Variants in UST observed in about 807,000 individuals in gnomAD.
UST encodes uronyl 2-sulfotransferase.
In UST, 21 loss-of-function variants were observed where a neutral mutation model predicts 45.6. That is an observed-to-expected ratio of 0.46 (90% CI 0.33 to 0.66). The LOEUF (loss-of-function observed/expected upper bound fraction) is 0.66. Ranked by LOEUF, UST falls within the 30% of genes least tolerant of loss-of-function variation. The pLI is 0.02. For synonymous variants in UST, 215 were observed against 200.6 expected, an observed-to-expected ratio of 1.07 and a Z score of -0.61; for missense variants, 463 against 512.4, an observed-to-expected ratio of 0.90 and a Z score of 0.93.
chr6:148,852,310 A>G (rs1685937565), intron 1 of UST, among the ~76,000 whole-genome samples: 1 of 152,162 alleles, frequency 6.6e-6, no homozygotes, highest in Non-Finnish European at 1.5e-5. Context: ...TATCCGAAAC[A>G]TATGTTGCGT....
At chr6:148,759,747 C>T (rs1776172824) in intron 1 of UST, among the ~76,000 whole-genome samples, 1 of 145,236 alleles carries the variant, frequency 6.9e-6, no homozygotes, top group African/African-American at 2.6e-5. Context: ...ACTCGGGAGG[C>T]TGAGGCAGGA....
At chr6:148,978,628 C>T (rs1004480414) in intron 5 of UST, among the ~76,000 whole-genome samples, 6 of 151,668 alleles carry the variant, frequency 4.0e-5, no homozygotes, top group African/African-American at 1.5e-4. Context: ...ACAATGAGAA[C>T]ACATGGACAC....
intron 1 of UST, among the ~76,000 whole-genome samples, chr6:148,771,017 G>T (rs6904894): frequency 6.6e-6 from 1 of 151,954 alleles, no homozygotes; most frequent in African/African-American, 2.4e-5. Flanking sequence ...AGAACAGAGT[G>T]ATGTCACTGT....
chr6:148,917,098 G>A (rs900044995), intron 2 of UST, among the ~76,000 whole-genome samples: 6 of 152,214 alleles, frequency 3.9e-5, no homozygotes, highest in Admixed American at 1.3e-4. Flanking sequence ...GGCAGGGCTT[G>A]GAGGCTGTGA....
chr6:149,019,071 A>T, intron 5 of UST, 68 bp from the exon 6 acceptor site: 1 of 1,150,886 alleles, frequency 8.7e-7, no homozygotes, highest in Admixed American at 1.7e-5. Context: ...TTTTACTTAA[A>T]CTGTGTGGCA....
chr6:148,778,106 A>T (rs1035903431), intron 1 of UST, among the ~76,000 whole-genome samples: 1 of 152,234 alleles, frequency 6.6e-6, no homozygotes, highest in African/African-American at 2.4e-5. Context: ...TGGTAGTTAC[A>T]TATCAACAAA....
At chr6:148,878,607 G>C (rs981276670) in intron 1 of UST, among the ~76,000 whole-genome samples, 1 of 129,130 alleles carries the variant, frequency 7.7e-6, no homozygotes, top group African/African-American at 3.0e-5. Flanking sequence ...GTGTATTAGT[G>C]TGGGTGTCGT....
intron 1 of UST, among the ~76,000 whole-genome samples, chr6:148,835,409 A>G (rs139336984): frequency 1.9e-3 from 283 of 152,178 alleles, no homozygotes; most frequent in African/African-American, 6.6e-3. Context: ...TCAACAGTCT[A>G]TTTTCCAGTT....
chr6:148,821,740 C>T (rs541808742), intron 1 of UST, among the ~76,000 whole-genome samples: 10 of 152,260 alleles, frequency 6.6e-5, no homozygotes, highest in Admixed American at 6.5e-4. Flanking sequence ...CCTTCTCATT[C>T]TTTGTAGATT....
chr6:148,844,979 G>A (rs560232329), intron 1 of UST, among the ~76,000 whole-genome samples: 1 of 152,124 alleles, frequency 6.6e-6, no homozygotes, highest in African/African-American at 2.4e-5. Flanking sequence ...TTTTTTAATG[G>A]CTGCATAGTA....
In UST at chr6:148,760,352, C is replaced by A. The variant is rs146410395; in HGVS notation, c.247+12675C>A. ...TGATGAGGATTTGCACAGCCTCCTC[C>A]CGGTTGCCTGCTACTGACCATCCCA... On this transcript the variant is annotated intron_variant, in intron 1 of 7. Coordinates refer to ENST00000367463, the MANE Select transcript of UST (RefSeq NM_005715.3). Among the ~76,000 whole-genome samples, 19 of 152,238 alleles carry A rather than the reference C, an allele frequency of 1.2e-4. No homozygotes were observed. In the East Asian group the frequency reaches 3.7e-3, roughly 29 times the overall value.
At chr6:149,044,645 G>T (rs886233539) in intron 7 of UST, among the ~76,000 whole-genome samples, 3 of 152,202 alleles carry the variant, frequency 2.0e-5, no homozygotes, top group African/African-American at 7.2e-5. Context: ...CGGCCATGGG[G>T]TTTATTGGGG....
intron 5 of UST, among the ~76,000 whole-genome samples, chr6:149,016,350 C>A (rs1227653050): frequency 6.6e-6 from 1 of 152,220 alleles, no homozygotes; most frequent in African/African-American, 2.4e-5. Flanking sequence ...CCTCACCAGC[C>A]AGCTGATGCC....
intron 2 of UST, among the ~76,000 whole-genome samples, chr6:148,938,777 T>C (rs1048975226): frequency 3.3e-5 from 5 of 150,754 alleles, no homozygotes; most frequent in Non-Finnish European, 5.9e-5. Context: ...ATAAAGTAGA[T>C]AATAGTATAA....
chr6:148,941,859 G>A (rs1320924162), intron 3 of UST, among the ~76,000 whole-genome samples: 1 of 152,168 alleles, frequency 6.6e-6, no homozygotes, highest in Non-Finnish European at 1.5e-5. Flanking sequence ...TGGGGGACAT[G>A]AGCTTCCTGC....
chr6:149,035,116 C>A (rs111381129), intron 7 of UST, among the ~76,000 whole-genome samples: 1 of 152,084 alleles, frequency 6.6e-6, no homozygotes, highest in Non-Finnish European at 1.5e-5. Flanking sequence ...CCTTTCTATG[C>A]GCTTCGCTGT....
At chr6:149,066,119 T>G (rs2115044350) in intron 7 of UST, 1 of 152,548 alleles carries the variant, frequency 6.6e-6, no homozygotes, top group East Asian at 1.9e-4. Flanking sequence ...AAAACACTGT[T>G]GCAGATGCAG....
Position 148,882,658 on chromosome 6 carries a change from A to G in UST, c.248-4328A>G, listed in dbSNP as rs143206059. Among the ~76,000 whole-genome samples the G allele has an allele frequency of 3.4e-3, 514 of 152,194 alleles. 5 individuals carry two copies. The highest frequency in any genetic ancestry group is 0.012 in the African/African-American group (484 of 41,528). ...ACGAATTATATTAGAATATTTTTGCATTTTATGGAGCAGGAGGTGTCAACA... is the reference window on the plus strand; with the variant it reads ...ACGAATTATATTAGAATATTTTTGCGTTTTATGGAGCAGGAGGTGTCAACA... On this transcript the variant is annotated intron_variant, in intron 1 of 7. Coordinates refer to ENST00000367463, the MANE Select transcript of UST (RefSeq NM_005715.3).
chr6:149,038,689 G>A (rs981183271), intron 7 of UST, among the ~76,000 whole-genome samples: 11 of 152,144 alleles, frequency 7.2e-5, no homozygotes, highest in South Asian at 2.1e-4. Context: ...TGGAGGGTCC[G>A]TTCGCATTCA....
Sources: allele counts gnomAD v4.1 joint callset (sites outside exome capture counted in the v4.1 genomes callset), GRCh38; gene constraint gnomAD v4.1.1; transcripts MANE v1.5; gene names NCBI Gene and HGNC (gene_info 2026-07-23, HGNC 2026-07-21).